ZNF195: variants seen among roughly 807,000 people sequenced by gnomAD.
The protein encoded by ZNF195 is hypoxia-regulated factor-1.
Under a neutral mutation model 19.5 loss-of-function variants are expected in ZNF195, and 11 were observed. The ratio of observed to expected loss-of-function variants is 0.57; its 90% CI spans 0.36 to 0.94. The LOEUF (loss-of-function observed/expected upper bound fraction) is 0.94. Ranked by LOEUF, ZNF195 falls within the 40% of genes least tolerant of loss-of-function variation. The pLI is 0.01. For synonymous variants in ZNF195, 214 were observed against 248.1 expected (o/e 0.86, Z 1.29); for missense variants, 582 against 709.0 (o/e 0.82, Z 2.03).
chr11:3,365,066 T>C (rs1475461350), intron 3 of ZNF195, among the ~76,000 whole-genome samples: 1 of 152,210 alleles, frequency 6.6e-6, no homozygotes, highest in Non-Finnish European at 1.5e-5. Context: ...TAATAGCATG[T>C]AATGGCAAAA....
intron 3 of ZNF195, among the ~76,000 whole-genome samples, chr11:3,365,123 A>G (rs1272163471): frequency 6.6e-6 from 1 of 152,222 alleles, no homozygotes; most frequent in Non-Finnish European, 1.5e-5. Flanking sequence ...GTCTATATTT[A>G]TATCTAACAT....
intron 3 of ZNF195, among the ~76,000 whole-genome samples, chr11:3,369,033 C>G (rs778908987): frequency 9.9e-5 from 15 of 152,132 alleles, no homozygotes; most frequent in Non-Finnish European, 1.9e-4. Context: ...ACCAAAAGTA[C>G]AGCAACAAAA....
intron 3 of ZNF195, chr11:3,369,509 G>A (rs1159470362): frequency 2.2e-6 from 1 of 452,604 alleles, no homozygotes; most frequent in Non-Finnish European, 4.5e-6. Flanking sequence ...GATGCTGAAT[G>A]GATAAAGAAA....
At chr11:3,370,814 G>C in intron 3 of ZNF195, 161 bp downstream of exon 3, 1 of 611,994 alleles carries the variant, frequency 1.6e-6, no homozygotes, top group East Asian at 2.6e-5. Context: ...GAGAGAATGA[G>C]ACAGAAGACG....
chr11:3,358,332 T>C lies in ZNF195; in HGVS notation c.*786A>G, dbSNP rs904604518. ...GGGTGACCCTAACAGAAGAGTATTA[T>C]TCTAAACACCTATCTCATAAATCAC... On this transcript the variant is annotated 3_prime_UTR_variant, in exon 6 of 6. Transcript: ENST00000399602. 1.3e-5 allele frequency: 2 copies of C among 152,152 alleles called. No individual in the cohort carries two copies. The highest frequency in any genetic ancestry group is 4.8e-5 in the African/African-American group (2 of 41,406). 9.4% of individuals were successfully genotyped at this position (152,152 alleles called of 1,614,324 possible).
intron 4 of ZNF195, among the ~76,000 whole-genome samples, chr11:3,361,213 G>A (rs1207303133): frequency 6.6e-6 from 1 of 152,166 alleles, no homozygotes; most frequent in Non-Finnish European, 1.5e-5. Flanking sequence ...GGCTTAAGAG[G>A]CCTCTAGAAT....
intron 1 of ZNF195, chr11:3,375,672 A>G (rs1849427759): frequency 1.3e-5 from 2 of 152,200 alleles, no homozygotes; most frequent in African/African-American, 4.8e-5. Context: ...GCTACACAGG[A>G]TGGAATCAAT....
intron 1 of ZNF195, 46 bp downstream of exon 1, chr11:3,378,992 A>C: frequency 7.2e-7 from 1 of 1,384,704 alleles, no homozygotes; most frequent in African/African-American, 1.5e-5. Context: ...CGCGGGTTCC[A>C]GTCCGCCCCT....
At chr11:3,362,326 G>A (rs1438069347) in intron 3 of ZNF195, among the ~76,000 whole-genome samples, 1 of 152,044 alleles carries the variant, frequency 6.6e-6, no homozygotes, top group Non-Finnish European at 1.5e-5. Flanking sequence ...CGCATATACA[G>A]AAAAATAAAA....
At chr11:3,365,949 T>C (rs1363414700) in intron 3 of ZNF195, among the ~76,000 whole-genome samples, 1 of 152,108 alleles carries the variant, frequency 6.6e-6, no homozygotes, top group Non-Finnish European at 1.5e-5. Context: ...CAAAAATATT[T>C]TAAATGAAAA....
At position 3,371,721 on chromosome 11, in the gene ZNF195, A is replaced by G; in HGVS notation, c.4-18T>C. 1.3e-6 allele frequency: 2 copies of G among 1,581,952 alleles called. No homozygotes were observed. Among genetic ancestry groups the G allele is most frequent in the Non-Finnish European group, 1.7e-6 (2 of 1,163,510 alleles). Reference sequence around the variant, plus strand: ...AACAGAGTCTGAAGAAGAAACAACAACAATAACAAATACTTGATTCGAGGT... The same window carrying G: ...AACAGAGTCTGAAGAAGAAACAACAGCAATAACAAATACTTGATTCGAGGT... On this transcript the variant is annotated intron_variant, in intron 1 of 5. Transcript: ENST00000399602.
chr11:3,376,423 T>A (rs1229472399), intron 1 of ZNF195, among the ~76,000 whole-genome samples: 1 of 152,224 alleles, frequency 6.6e-6, no homozygotes, highest in African/African-American at 2.4e-5. Context: ...CAGGCCAGCA[T>A]GTGGCCCAGG....
At chr11:3,363,285 A>C (rs968067971) in intron 3 of ZNF195, 2 of 152,300 alleles carry the variant, frequency 1.3e-5, no homozygotes, top group South Asian at 4.1e-4. Context: ...ACTTGAAAGC[A>C]CTACAAAACA....
intron 2 of ZNF195, 104 bp from the exon 3 acceptor site, chr11:3,371,174 T>G: frequency 9.0e-7 from 1 of 1,110,780 alleles, no homozygotes; most frequent in Non-Finnish European, 1.3e-6. Flanking sequence ...TCTAGAAAAT[T>G]AATCCCAAAA....
intron 3 of ZNF195, chr11:3,369,000 G>A (rs1849045006): frequency 5.3e-5 from 16 of 301,038 alleles, no homozygotes; most frequent in South Asian, 3.8e-4. Flanking sequence ...TATTGGTCTT[G>A]GCAATCATTT....
intron 1 of ZNF195, among the ~76,000 whole-genome samples, chr11:3,374,904 A>C (rs1849382530): frequency 1.3e-5 from 2 of 152,218 alleles, no homozygotes; most frequent in South Asian, 4.1e-4. Context: ...TGTCTCTAAC[A>C]GCGCTGGTGT....
In ZNF195 at chr11:3,371,036, G is replaced by A. The variant is rs772030493; in HGVS notation, c.165C>T (p.Cys55=). ...LTVCKPGLIT[C]LEQRKEPWNV... ...TCCAGGGCTCTTTTCGTTGCTCCAG[G>A]CAGGTGATCAGGCCTGGCTTACAGA... Residue 55 remains cysteine (C), a synonymous_variant, in exon 3 of 6, where the codon TGC becomes TGT. Coordinates refer to ENST00000399602, the MANE Select transcript of ZNF195 (RefSeq NM_001130520.3). The A allele has an allele frequency of 5.0e-6, 8 of 1,613,888 alleles. No individual in the cohort carries two copies. The highest frequency in any genetic ancestry group is 1.1e-5 in the South Asian group (1 of 91,080).
At chr11:3,369,221 C>T (rs927224768) in intron 3 of ZNF195, 7 of 219,544 alleles carry the variant, frequency 3.2e-5, no homozygotes, top group African/African-American at 4.6e-5. Flanking sequence ...CTTACTTTTG[C>T]GCCAATCTAC....
At position 3,359,808 on chromosome 11, in the gene ZNF195, G is replaced by T; in HGVS notation, c.1200C>A (p.His400Gln). 6.2e-7 allele frequency: 1 copy of T among 1,614,034 alleles called. No individual in the cohort carries two copies. The highest frequency in any genetic ancestry group is 1.6e-4 in the Middle Eastern group (1 of 6,062). ...GFNHSPNPSK[H>Q]QRNEIGGKPF... ...GTTTCCCTCCAATCTCATTTCTCTG[G>T]TGTTTGGAAGGATTTGGGCTGTGGT... Residue 400 changes from histidine to glutamine, a missense_variant, in exon 6 of 6, where the codon CAC becomes CAA. By Grantham distance (24) the His-to-Gln change is conservative. Transcript: ENST00000399602. The surrounding 1 kb of genome is among the most constrained non-coding windows in gnomAD (Gnocchi z 5.5).
Sources: allele counts gnomAD v4.1 joint callset (sites outside exome capture counted in the v4.1 genomes callset), GRCh38; gene constraint gnomAD v4.1.1; non-coding constraint Gnocchi (gnomAD v3.1); transcripts MANE v1.5; gene names NCBI Gene and HGNC (gene_info 2026-07-23, HGNC 2026-07-21).